EFHD1: variants seen among roughly 807,000 people sequenced by gnomAD.
EFHD1 encodes EF-hand domain-containing protein D1.
In EFHD1, 10 loss-of-function variants were observed where a neutral mutation model predicts 17.2. The ratio of observed to expected loss-of-function variants is 0.58; its 90% CI spans 0.36 to 0.99. The LOEUF (loss-of-function observed/expected upper bound fraction) is 0.99, where lower values mean the gene tolerates loss of function less well. EFHD1 is among the 50% of genes least tolerant of loss of function. EFHD1 has a pLI of 0.01. For missense variants in EFHD1, 310 were observed against 327.5 expected, an observed-to-expected ratio of 0.95 and a Z score of 0.41; for synonymous variants, 153 against 142.0, an observed-to-expected ratio of 1.08 and a Z score of -0.55.
intron 1 of EFHD1, among the ~76,000 whole-genome samples, chr2:232,627,060 ATATATTTT>A (rs1219592791): frequency 1.2e-4 from 14 of 117,712 alleles, no homozygotes; most frequent in East Asian, 7.5e-4. Context: ...ATATATATAT[ATATATTTT>A]TTTTTTTTTT....
At chr2:232,672,182 T>G (rs1032190981) in intron 2 of EFHD1, 127 bp from the exon 3 acceptor site, 2 of 1,315,010 alleles carry the variant, frequency 1.5e-6, no homozygotes, top group African/African-American at 2.9e-5. Context: ...AAAAAAGTAA[T>G]TTGCCACATG....
At chr2:232,650,571 T>TGAGA (rs1694630563) in intron 1 of EFHD1, among the ~76,000 whole-genome samples, 1 of 21,956 alleles carries the variant, frequency 4.6e-5, no homozygotes, top group Non-Finnish European at 8.7e-5. Flanking sequence ...TTTTTTTTTT[T>TGAGA]TTTTTTTTTT....
chr2:232,628,957 G>A (rs1371414483), upstream of EFHD1, among the ~76,000 whole-genome samples: 1 of 152,142 alleles, frequency 6.6e-6, no homozygotes, highest in African/African-American at 2.4e-5. Context: ...TTGAGAGGAA[G>A]CCCAGGCCAC....
intron 1 of EFHD1, among the ~76,000 whole-genome samples, chr2:232,610,558 A>G (rs996689538): frequency 1.3e-5 from 2 of 152,110 alleles, no homozygotes; most frequent in Non-Finnish European, 2.9e-5. Flanking sequence ...CGACAGAGTG[A>G]GACTCCGTCC....
At chr2:232,621,641 G>A (rs1172957985) in intron 1 of EFHD1, among the ~76,000 whole-genome samples, 4 of 152,040 alleles carry the variant, frequency 2.6e-5, no homozygotes, top group African/African-American at 7.2e-5. Flanking sequence ...TAGTAGAGAC[G>A]GGGTTTCACC....
At position 232,672,418 on chromosome 2, in the gene EFHD1, G is replaced by A; in HGVS notation, c.560G>A (p.Gly187Asp). ...EIDVALEGVKGAKNFFEAKVQ... is the reference protein window; with the variant it reads ...EIDVALEGVKDAKNFFEAKVQ... ...GATGTGGCCCTGGAGGGTGTCAAAG[G>A]TGCCAAGAACTTCTTTGAAGCCAAG... The change falls in exon 3 of 4, where the codon GGT becomes GAT. Residue 187 changes from glycine (G) to aspartate (D), a missense_variant. Transcript: ENST00000264059. 1 of 1,608,082 alleles carries A rather than the reference G, an allele frequency of 6.2e-7. No individual in the cohort carries two copies. The highest frequency in any genetic ancestry group is 8.5e-7 in the Non-Finnish European group (1 of 1,177,416).
chr2:232,679,170 G>C (rs1019891975), intron 3 of EFHD1, among the ~76,000 whole-genome samples: 1 of 152,168 alleles, frequency 6.6e-6, no homozygotes, highest in Middle Eastern at 3.2e-3. Context: ...AGGAAAATGG[G>C]TTTAGAACCT....
intron 2 of EFHD1, among the ~76,000 whole-genome samples, chr2:232,665,200 G>A (rs1694947862): frequency 6.6e-6 from 1 of 152,098 alleles, no homozygotes; most frequent in South Asian, 2.1e-4. Context: ...TGAGATACTG[G>A]CATCCCACCA....
At chr2:232,625,672 T>G (rs1040533189) in intron 1 of EFHD1, among the ~76,000 whole-genome samples, 2 of 152,136 alleles carry the variant, frequency 1.3e-5, no homozygotes, top group African/African-American at 4.8e-5. Context: ...GATTAATGAT[T>G]CCTCAAAGTG....
intron 1 of EFHD1, among the ~76,000 whole-genome samples, chr2:232,636,532 A>G (rs2106194913): frequency 6.6e-6 from 1 of 152,264 alleles, no homozygotes; most frequent in East Asian, 1.9e-4. Context: ...ATTTGGGTAA[A>G]TGTGCACATT....
intron 1 of EFHD1, among the ~76,000 whole-genome samples, chr2:232,660,333 T>C (rs971116869): frequency 2.0e-5 from 3 of 152,074 alleles, no homozygotes; most frequent in Non-Finnish European, 4.4e-5. Context: ...TAGCTGGGAC[T>C]ACAGGTGCCT....
chr2:232,652,706 TTAC>T (rs1007061169), intron 1 of EFHD1, among the ~76,000 whole-genome samples: 5 of 152,226 alleles, frequency 3.3e-5, no homozygotes, highest in African/African-American at 1.2e-4. Context: ...CCAGTTTTAG[TTAC>T]TACATGTTTG....
chr2:232,631,057 C>G (rs1341226595), upstream of EFHD1, among the ~76,000 whole-genome samples: 1 of 151,996 alleles, frequency 6.6e-6, no homozygotes, highest in Non-Finnish European at 1.5e-5. Context: ...GAAACCCCGT[C>G]TCTACTAAAA....
rs1180571910 is a variant in EFHD1, at chr2:232,682,232, C to G, written c.*513C>G. 6.5e-6 allele frequency: 1 copy of G among 152,838 alleles called. No homozygotes were observed. The highest frequency in any genetic ancestry group is 1.5e-5 in the Non-Finnish European group (1 of 68,630). 9.5% of individuals were successfully genotyped at this position (152,838 alleles called of 1,614,324 possible). On this transcript the variant is annotated 3_prime_UTR_variant, in exon 4 of 4. Coordinates refer to ENST00000264059, the MANE Select transcript of EFHD1 (RefSeq NM_025202.4). Reference sequence around the variant, plus strand: ...GGGTCTTAATGGAGGCTGGGTGGACCACTGCCCGTCCACTCTTCAACAGGA... The same window carrying G: ...GGGTCTTAATGGAGGCTGGGTGGACGACTGCCCGTCCACTCTTCAACAGGA...
Position 232,625,352 on chromosome 2 carries a change from C to T in EFHD1, c.14+19179C>T, listed in dbSNP as rs1694088834. On this transcript the variant is annotated intron_variant, in intron 1 of 3. Coordinates refer to the EFHD1 transcript ENST00000409613. ...TGGGATCTCGCTATGTTGCCCAGGACTGGTCTTGAACTCCTAGGCTCAAAC... is the reference window on the plus strand; with the variant it reads ...TGGGATCTCGCTATGTTGCCCAGGATTGGTCTTGAACTCCTAGGCTCAAAC... 2.0e-5 allele frequency among the ~76,000 whole-genome samples: 3 copies of T among 150,746 alleles called. No individual in the cohort carries two copies. In the South Asian group the frequency reaches 6.3e-4, roughly 32 times the overall value.
chr2:232,674,352 A>T (rs946323719), intron 3 of EFHD1, among the ~76,000 whole-genome samples: 4 of 152,254 alleles, frequency 2.6e-5, no homozygotes, highest in African/African-American at 9.6e-5. Flanking sequence ...GCTGTCAAAA[A>T]ATGAGATGCA....
chr2:232,658,693 C>T (rs941561870), intron 1 of EFHD1, among the ~76,000 whole-genome samples: 2 of 151,520 alleles, frequency 1.3e-5, no homozygotes, highest in Non-Finnish European at 2.9e-5. Flanking sequence ...AAAATGTCCA[C>T]AAGAGGCAAA....
At chr2:232,641,458 C>A (rs1194307253) in intron 1 of EFHD1, among the ~76,000 whole-genome samples, 1 of 152,088 alleles carries the variant, frequency 6.6e-6, no homozygotes, top group East Asian at 1.9e-4. Context: ...TAGGAAGGGC[C>A]GAAAGCTTAT....
chr2:232,680,358 A>G (rs1385855798), intron 3 of EFHD1, among the ~76,000 whole-genome samples: 1 of 116,762 alleles, frequency 8.6e-6, no homozygotes, highest in African/African-American at 3.3e-5. Context: ...AGAATAGAGG[A>G]TTTTTAGATG....
Sources: gnomAD v4.1 joint callset for allele counts (sites outside exome capture counted in the v4.1 genomes callset) on GRCh38, gnomAD v4.1.1 for gene constraint, MANE v1.5 for transcripts, NCBI Gene and HGNC (gene_info 2026-07-23, HGNC 2026-07-21) for gene names.